PPARGC1A: variants seen among roughly 807,000 people sequenced by gnomAD.
PPARGC1A encodes PPARG coactivator 1 alpha.
In PPARGC1A, 25 loss-of-function variants were observed where a neutral mutation model predicts 88.7. The observed-to-expected ratio is 0.28, with a 90% confidence interval of 0.21 to 0.39. PPARGC1A has a LOEUF of 0.39. Among genes scored for constraint, PPARGC1A ranks in the 10% least tolerant of loss-of-function variants. The pLI is 1.00. For missense variants in PPARGC1A, 880 were observed against 968.7 expected (o/e 0.91, Z 1.22); for synonymous variants, 363 against 355.6 (o/e 1.02, Z -0.24).
the PPARGC1A span, among the ~76,000 whole-genome samples, chr4:23,932,089 AAAG>A: frequency 6.6e-6 from 1 of 152,368 alleles, no homozygotes; most frequent in African/African-American, 2.4e-5. Context: ...CTAAAAATAG[AAAG>A]AAGGCAAATC....
At chr4:23,947,811 T>G in the PPARGC1A span, among the ~76,000 whole-genome samples, 4 of 152,150 alleles carry the variant, frequency 2.6e-5, no homozygotes, top group East Asian at 7.8e-4. Context: ...AGCTCCATAA[T>G]TGCCAATGTG....
the PPARGC1A span, among the ~76,000 whole-genome samples, chr4:24,184,509 C>T: frequency 6.6e-6 from 1 of 152,180 alleles, no homozygotes. Context: ...ATCAGGTTCC[C>T]AAGGGCAGAA....
the PPARGC1A span, among the ~76,000 whole-genome samples, chr4:24,119,221 T>C: frequency 6.6e-6 from 1 of 152,240 alleles, no homozygotes; most frequent in Non-Finnish European, 1.5e-5. Flanking sequence ...TTCCCCGAAA[T>C]GCTGCCCCCA....
At chr4:24,041,079 C>T in the PPARGC1A span, among the ~76,000 whole-genome samples, 3 of 152,186 alleles carry the variant, frequency 2.0e-5, no homozygotes, top group Admixed American at 2.0e-4. Flanking sequence ...AACATGCTAG[C>T]TAGGTTTCCC....
the PPARGC1A span, among the ~76,000 whole-genome samples, chr4:24,135,664 C>T: frequency 2.4e-4 from 36 of 152,132 alleles, no homozygotes; most frequent in African/African-American, 8.2e-4. Flanking sequence ...TCCTGAAAGA[C>T]GCTCCTGAGC....
chr4:24,325,712 C>A, the PPARGC1A span, among the ~76,000 whole-genome samples: 1 of 152,178 alleles, frequency 6.6e-6, no homozygotes, highest in Non-Finnish European at 1.5e-5. Flanking sequence ...CCCCGTAGAC[C>A]ACCACAGATG....
the PPARGC1A span, among the ~76,000 whole-genome samples, chr4:24,412,727 G>A: frequency 6.6e-6 from 1 of 152,146 alleles, no homozygotes; most frequent in Non-Finnish European, 1.5e-5. Context: ...TGATCCACCA[G>A]CCTTGGCCTC....
chr4:24,314,363 T>C, the PPARGC1A span, among the ~76,000 whole-genome samples: 1 of 152,176 alleles, frequency 6.6e-6, no homozygotes, highest in Non-Finnish European at 1.5e-5. Context: ...CATGAGTGAA[T>C]TAGTGTTTTA....
chr4:23,865,020 C>T (rs1273116103), intron 2 of PPARGC1A, among the ~76,000 whole-genome samples: 1 of 152,146 alleles, frequency 6.6e-6, no homozygotes, highest in Non-Finnish European at 1.5e-5. Flanking sequence ...CCCATCTCCA[C>T]TAAAAACACA....
intron 11 of PPARGC1A, 113 bp downstream of exon 11, chr4:23,802,111 A>G (rs747335250): frequency 1.4e-6 from 2 of 1,452,384 alleles, no homozygotes; most frequent in South Asian, 2.5e-5. Flanking sequence ...TCTGAACTCA[A>G]CATGTCATCT....
intron 3 of PPARGC1A, among the ~76,000 whole-genome samples, chr4:23,831,199 A>G (rs1221023056): frequency 6.6e-6 from 1 of 152,186 alleles, no homozygotes; most frequent in East Asian, 1.9e-4. Flanking sequence ...AGGATATTGC[A>G]ATCATTTTTA....
At chr4:24,360,845 G>A in the PPARGC1A span, among the ~76,000 whole-genome samples, 2 of 152,284 alleles carry the variant, frequency 1.3e-5, no homozygotes, top group Middle Eastern at 3.4e-3. Flanking sequence ...GCTTAAATAT[G>A]GATATATAGA....
At chr4:24,338,041 C>T in the PPARGC1A span, among the ~76,000 whole-genome samples, 1 of 152,198 alleles carries the variant, frequency 6.6e-6, no homozygotes, top group African/African-American at 2.4e-5. Flanking sequence ...CTCAGCACTT[C>T]ACCCTGCCTA....
chr4:24,235,655 A>T, the PPARGC1A span, among the ~76,000 whole-genome samples: 2 of 152,206 alleles, frequency 1.3e-5, no homozygotes, highest in Non-Finnish European at 2.9e-5. Flanking sequence ...AACAAAATGA[A>T]TTATCAACCT....
intron 2 of PPARGC1A, among the ~76,000 whole-genome samples, chr4:23,844,776 T>TATATATTATTATAATATATG (rs1727917673): frequency 1.6e-5 from 2 of 121,630 alleles, no homozygotes; most frequent in African/African-American, 6.5e-5. Flanking sequence ...TAATATATGA[T>TATATATTATTATAATATATG]ATATATTATA....
the PPARGC1A span, among the ~76,000 whole-genome samples, chr4:24,220,726 G>A: frequency 2.6e-5 from 4 of 152,088 alleles, no homozygotes; most frequent in African/African-American, 9.7e-5. Context: ...ATTCCAAAGG[G>A]GAAAGGGAGG....
chr4:23,833,751 A>G (rs911721591), intron 2 of PPARGC1A, among the ~76,000 whole-genome samples: 2 of 152,256 alleles, frequency 1.3e-5, no homozygotes, highest in African/African-American at 4.8e-5. Context: ...TCAAGAGGCC[A>G]AAAAGAGCCA....
chr4:24,166,749 G>C, the PPARGC1A span, among the ~76,000 whole-genome samples: 4 of 152,156 alleles, frequency 2.6e-5, no homozygotes, highest in African/African-American at 4.8e-5. Flanking sequence ...TCTGTTTATA[G>C]CATGGTTTAC....
chr4:24,035,502 C>G, the PPARGC1A span, among the ~76,000 whole-genome samples: 1 of 151,762 alleles, frequency 6.6e-6, no homozygotes, highest in South Asian at 2.1e-4. Context: ...GCCGAGATCG[C>G]GCCATCACAT....
Sources: allele counts gnomAD v4.1 joint callset (sites outside exome capture counted in the v4.1 genomes callset), GRCh38; gene constraint gnomAD v4.1.1; transcripts MANE v1.5; gene names NCBI Gene and HGNC (gene_info 2026-07-23, HGNC 2026-07-21).